The following ADGRV1 variants were observed in gnomAD, a reference collection of about 807,000 sequenced individuals.
ADGRV1 encodes adhesion G protein-coupled receptor V1.
A neutral mutation model predicts 596.2 loss-of-function variants in ADGRV1; 359 were observed. The ratio of observed to expected loss-of-function variants is 0.60; its 90% CI spans 0.55 to 0.66. The LOEUF is 0.66. ADGRV1 is among the 30% of genes least tolerant of loss of function. The pLI is 0.00. For synonymous variants in ADGRV1, 2,681 were observed against 2,679.2 expected (o/e 1.00, Z -0.02); for missense variants, 7,274 against 7,575.6 (o/e 0.96, Z 1.48).
chr5:90,575,754 A>T (rs1207370875), intron 1 of ADGRV1, among the ~76,000 whole-genome samples: 1 of 152,104 alleles, frequency 6.6e-6, no homozygotes, highest in African/African-American at 2.4e-5. Context: ...AACTGTTCGG[A>T]TTATTCCCAG....
At chr5:90,966,662 G>C (rs1778502644) in intron 84 of ADGRV1, among the ~76,000 whole-genome samples, 1 of 152,072 alleles carries the variant, frequency 6.6e-6, no homozygotes, top group South Asian at 2.1e-4. Flanking sequence ...GACCAGTAGA[G>C]TCCTAGCATA....
At chr5:90,687,392 G>T (rs1745817501) in intron 29 of ADGRV1, among the ~76,000 whole-genome samples, 1 of 152,122 alleles carries the variant, frequency 6.6e-6, no homozygotes, top group African/African-American at 2.4e-5. Context: ...TGTTGTATAA[G>T]GTGTAAGGAA....
At chr5:91,063,193 A>C (rs1787599984) in intron 85 of ADGRV1, among the ~76,000 whole-genome samples, 1 of 151,862 alleles carries the variant, frequency 6.6e-6, no homozygotes, top group Non-Finnish European at 1.5e-5. Context: ...TCCTGAGCTC[A>C]AGCGATCTGC....
intron 70 of ADGRV1, among the ~76,000 whole-genome samples, chr5:90,796,579 C>A (rs1238954910): frequency 2.6e-5 from 4 of 152,178 alleles, no homozygotes; most frequent in African/African-American, 9.7e-5. Context: ...GCTTCCCCAA[C>A]CTAGCAAGAC....
chr5:90,784,130 C>A, intron 67 of ADGRV1, 73 bp downstream of exon 67: 1 of 931,802 alleles, frequency 1.1e-6, no homozygotes, highest in Non-Finnish European at 1.6e-6. Context: ...TTTCTCATTG[C>A]CCAAGTATAT....
At chr5:90,714,241 A>G (rs992368884) in intron 42 of ADGRV1, among the ~76,000 whole-genome samples, 2 of 143,296 alleles carry the variant, frequency 1.4e-5, no homozygotes, top group African/African-American at 2.6e-5. Flanking sequence ...TTTTTCTTTC[A>G]TTTTCCTGAT....
intron 11 of ADGRV1, chr5:90,640,895 T>G (rs1289027042): frequency 6.6e-6 from 1 of 152,592 alleles, no homozygotes. Context: ...ATACCTTGTT[T>G]TTGGTGATTC....
At chr5:90,953,332 T>C (rs963287962) in intron 83 of ADGRV1, among the ~76,000 whole-genome samples, 43 of 152,140 alleles carry the variant, frequency 2.8e-4, no homozygotes, top group African/African-American at 9.9e-4. Flanking sequence ...AAATAACCTA[T>C]CTGTAGAAAT....
chr5:90,669,225 A>G (rs576750060), intron 21 of ADGRV1, among the ~76,000 whole-genome samples: 2 of 152,172 alleles, frequency 1.3e-5, no homozygotes, highest in South Asian at 4.2e-4. Context: ...GAAAATCCTG[A>G]TGTAGATCCC....
chr5:91,087,389 C>T (rs1440097656), intron 86 of ADGRV1, among the ~76,000 whole-genome samples: 4 of 152,034 alleles, frequency 2.6e-5, no homozygotes, highest in Non-Finnish European at 2.9e-5. Context: ...CTCCGCCTCC[C>T]GAGTTCAAGC....
At chr5:90,866,315 ATGTGTGTG>A (rs149341618) in intron 83 of ADGRV1, among the ~76,000 whole-genome samples, 7 of 138,330 alleles carry the variant, frequency 5.1e-5, no homozygotes, top group South Asian at 2.2e-4. Flanking sequence ...GTATGTGTAT[ATGTGTGTG>A]TGTGTGTGTG....
Position 90,756,434 on chromosome 5 carries a change from C to A in ADGRV1, c.11581-20C>A, listed in dbSNP as rs1170311972. ...GTCTTAAAAAAAAATGAAACACCAT[C>A]TTTTTCCCCCATCCCCCAGGATGAC... is the stretch of plus-strand genomic sequence containing the variant. On this transcript the variant is annotated intron_variant, in intron 55 of 89. Coordinates refer to ENST00000405460, the MANE Select transcript of ADGRV1 (RefSeq NM_032119.4). The A allele has an allele frequency of 1.4e-6, 2 of 1,441,864 alleles. No individual in the cohort carries two copies. Among genetic ancestry groups the A allele is most frequent in the East Asian group, 2.5e-5 (1 of 40,756 alleles). 89.3% of individuals were successfully genotyped at this position (1,441,864 alleles called of 1,614,324 possible).
At chr5:90,830,063 T>C (rs764133466) in intron 77 of ADGRV1, among the ~76,000 whole-genome samples, 1 of 152,130 alleles carries the variant, frequency 6.6e-6, no homozygotes, top group Non-Finnish European at 1.5e-5. Flanking sequence ...TGTGTCACCA[T>C]TGGGTGGCTC....
At chr5:90,941,496 A>G (rs948759951) in intron 83 of ADGRV1, among the ~76,000 whole-genome samples, 2 of 152,200 alleles carry the variant, frequency 1.3e-5, no homozygotes, top group African/African-American at 4.8e-5. Flanking sequence ...GTTCTGTCTC[A>G]TTAATTTCAG....
chr5:90,750,494 G>T (rs957152135), intron 52 of ADGRV1, 57 bp from the exon 53 acceptor site: 1 of 1,440,756 alleles, frequency 6.9e-7, no homozygotes, highest in African/African-American at 1.4e-5. Flanking sequence ...GACAAAAAAA[G>T]AAGTCTGATT....
chr5:90,657,760 C>T, intron 20 of ADGRV1, 145 bp from the exon 21 acceptor site: 2 of 610,590 alleles, frequency 3.3e-6, no homozygotes, highest in Non-Finnish European at 2.6e-6. Context: ...AGATAATATC[C>T]AATTCATTGT....
At chr5:91,040,661 G>A (rs1211371938) in intron 85 of ADGRV1, among the ~76,000 whole-genome samples, 1 of 152,180 alleles carries the variant, frequency 6.6e-6, no homozygotes, top group Non-Finnish European at 1.5e-5. Context: ...ATAGAAGCTA[G>A]ATGTGCTAAG....
At chr5:90,966,462 G>A (rs1020020311) in intron 84 of ADGRV1, among the ~76,000 whole-genome samples, 4 of 150,950 alleles carry the variant, frequency 2.6e-5, no homozygotes, top group African/African-American at 4.9e-5. Flanking sequence ...AACCCAGGAG[G>A]CGGAGGTTGC....
At chr5:90,741,034 G>A (rs1214247248) in intron 50 of ADGRV1, among the ~76,000 whole-genome samples, 5 of 152,166 alleles carry the variant, frequency 3.3e-5, no homozygotes, top group African/African-American at 1.2e-4. Flanking sequence ...GTAGAAAACG[G>A]TGGAGCCAGA....
Sources: allele counts gnomAD v4.1 joint callset (sites outside exome capture counted in the v4.1 genomes callset), GRCh38; gene constraint gnomAD v4.1.1; transcripts MANE v1.5; gene names NCBI Gene and HGNC (gene_info 2026-07-23, HGNC 2026-07-21).